Variants in HNF4G observed in about 807,000 individuals in gnomAD.
HNF4G encodes hepatocyte nuclear factor 4-gamma.
Under a neutral mutation model 50.9 loss-of-function variants are expected in HNF4G, and 21 were observed. That is an observed-to-expected ratio of 0.41 (90% CI 0.29 to 0.59). HNF4G has a LOEUF of 0.59. Ranked by LOEUF, HNF4G falls within the 20% of genes least tolerant of loss-of-function variation. HNF4G has a pLI of 0.26. For synonymous variants in HNF4G, 198 were observed against 185.6 expected (o/e 1.07, Z -0.54); for missense variants, 527 against 559.4 (o/e 0.94, Z 0.58).
chr8:75,531,730 T>C lies in HNF4G; in HGVS notation c.-23-12081T>C, dbSNP rs180933538. 2.0e-5 allele frequency among the ~76,000 whole-genome samples: 3 copies of C among 152,194 alleles called. No individual in the cohort carries two copies. The East Asian group carries it at 5.8e-4, about 29-fold the overall frequency. On this transcript the variant is annotated intron_variant, in intron 2 of 10. Coordinates refer to the HNF4G transcript ENST00000354370. ...TTATGATGACTATGTAGCATCTACA[T>C]TGTATTAGGTACTCTAAAGATAATT...
chr8:75,447,504 C>A (rs1389378709), intron 1 of HNF4G, among the ~76,000 whole-genome samples: 20 of 143,536 alleles, frequency 1.4e-4, no homozygotes, highest in African/African-American at 4.7e-4. Flanking sequence ...CAACCTACAA[C>A]ATGGGAGAAA....
chr8:75,424,749 C>A (rs1466200686), intron 1 of HNF4G, among the ~76,000 whole-genome samples: 2 of 151,816 alleles, frequency 1.3e-5, no homozygotes, highest in Non-Finnish European at 2.9e-5. Flanking sequence ...GCATAGTATT[C>A]CATGGTATAT....
intron 1 of HNF4G, among the ~76,000 whole-genome samples, chr8:75,475,116 TCTC>T (rs1423628271): frequency 6.6e-6 from 1 of 152,024 alleles, no homozygotes; most frequent in Admixed American, 6.6e-5. Context: ...TTCAAGCGAT[TCTC>T]CTGCCTCAGC....
intron 1 of HNF4G, among the ~76,000 whole-genome samples, chr8:75,458,319 A>G (rs887353624): frequency 3.3e-5 from 5 of 151,828 alleles, no homozygotes; most frequent in Admixed American, 2.0e-4. Context: ...TGAGAAAGGA[A>G]AAAAATCAGC....
At chr8:75,560,641 TAA>T (rs1057484316) in intron 9 of HNF4G, among the ~76,000 whole-genome samples, 175 bp downstream of exon 9, 3 of 152,136 alleles carry the variant, frequency 2.0e-5, no homozygotes, top group Non-Finnish European at 4.4e-5. Flanking sequence ...TCCCTAGACA[TAA>T]GTTTGCTTCC....
intron 1 of HNF4G, among the ~76,000 whole-genome samples, chr8:75,451,248 G>A (rs1361432798): frequency 6.6e-6 from 1 of 151,818 alleles, no homozygotes; most frequent in Non-Finnish European, 1.5e-5. Context: ...TACATATTTT[G>A]TTGTATAGCT....
At chr8:75,498,029 G>A (rs1266644505) in intron 2 of HNF4G, among the ~76,000 whole-genome samples, 2 of 151,902 alleles carry the variant, frequency 1.3e-5, no homozygotes, top group African/African-American at 4.8e-5. Flanking sequence ...GAATTTTTAA[G>A]TTCCACCATA....
At chr8:75,431,003 A>C (rs1811004811) in intron 1 of HNF4G, among the ~76,000 whole-genome samples, 1 of 152,068 alleles carries the variant, frequency 6.6e-6, no homozygotes, top group South Asian at 2.1e-4. Context: ...CTATAAAAAC[A>C]AACAGATACA....
chr8:75,541,554 G>T (rs1806623281), intron 1 of HNF4G, among the ~76,000 whole-genome samples: 2 of 150,970 alleles, frequency 1.3e-5, no homozygotes, highest in Non-Finnish European at 1.5e-5. Flanking sequence ...GACAATATTT[G>T]TCTACTCAGA....
chr8:75,419,125 T>G, intron 1 of HNF4G, among the ~76,000 whole-genome samples: 1 of 152,218 alleles, frequency 6.6e-6, no homozygotes, highest in East Asian at 1.9e-4. Context: ...GATAGTGTTT[T>G]GATTAAATAG....
At chr8:75,557,076 T>A (rs921344183) in intron 6 of HNF4G, among the ~76,000 whole-genome samples, 4 of 152,198 alleles carry the variant, frequency 2.6e-5, no homozygotes, top group Admixed American at 1.3e-4. Context: ...TGCTATTAAA[T>A]ACCTCTCTTG....
intron 2 of HNF4G, among the ~76,000 whole-genome samples, chr8:75,494,507 G>T (rs904665319): frequency 6.6e-6 from 1 of 152,032 alleles, no homozygotes; most frequent in African/African-American, 2.4e-5. Context: ...TGAGAATTCT[G>T]CTCCAGACTA....
At chr8:75,532,950 A>T (rs529604214) in intron 2 of HNF4G, among the ~76,000 whole-genome samples, 66 of 152,136 alleles carry the variant, frequency 4.3e-4, no homozygotes, top group Middle Eastern at 3.4e-3. Context: ...CTTTATACAG[A>T]TATAAGTCTT....
At chr8:75,531,146 A>G (rs552857747) in intron 2 of HNF4G, among the ~76,000 whole-genome samples, 31 of 152,232 alleles carry the variant, frequency 2.0e-4, no homozygotes, top group African/African-American at 7.5e-4. Context: ...ACCCTTTGAG[A>G]TAGAAATTCT....
At chr8:75,517,977 A>G (rs912569787) in intron 2 of HNF4G, among the ~76,000 whole-genome samples, 28 of 118,822 alleles carry the variant, frequency 2.4e-4, no homozygotes, top group Non-Finnish European at 4.3e-4. Context: ...CTAAACCTCA[A>G]TTCTTTTTTT....
chr8:75,465,363 T>TG (rs1170221308), intron 1 of HNF4G, among the ~76,000 whole-genome samples: 1 of 152,190 alleles, frequency 6.6e-6, no homozygotes, highest in African/African-American at 2.4e-5. Context: ...TGATTTTTAG[T>TG]GAATATTAAT....
intron 1 of HNF4G, among the ~76,000 whole-genome samples, chr8:75,448,509 C>T (rs1001981545): frequency 2.9e-4 from 36 of 122,482 alleles, no homozygotes; most frequent in East Asian, 1.0e-3. Flanking sequence ...AAAACAAATA[C>T]CTTAAAAAAA....
At chr8:75,534,288 T>G (rs1409811627) in intron 2 of HNF4G, among the ~76,000 whole-genome samples, 1 of 151,926 alleles carries the variant, frequency 6.6e-6, no homozygotes, top group Non-Finnish European at 1.5e-5. Context: ...ACCAGTATAA[T>G]CTACATTCCA....
At chr8:75,545,228 G>A (rs1279838622) in intron 2 of HNF4G, among the ~76,000 whole-genome samples, 1 of 129,308 alleles carries the variant, frequency 7.7e-6, no homozygotes, top group Admixed American at 7.6e-5. Context: ...CAGGTGCTCT[G>A]TTAAAATTGA....
Sources: allele counts gnomAD v4.1 joint callset (sites outside exome capture counted in the v4.1 genomes callset), GRCh38; gene constraint gnomAD v4.1.1; transcripts MANE v1.5; gene names NCBI Gene and HGNC (gene_info 2026-07-23, HGNC 2026-07-21).